Variants in SH2D4A observed in about 807,000 individuals in gnomAD.
SH2D4A encodes SH2 domain containing 4A.
Under a neutral mutation model 64.7 loss-of-function variants are expected in SH2D4A, and 70 were observed. That is an observed-to-expected ratio of 1.08 (90% CI 0.89 to 1.32). SH2D4A has a LOEUF of 1.32. Ranked by LOEUF, SH2D4A falls within the 40% of genes most tolerant of loss-of-function variation. The pLI is 0.00. For synonymous variants in SH2D4A, 268 were observed against 200.7 expected (o/e 1.34, Z -2.83); for missense variants, 706 against 540.1 (o/e 1.31, Z -3.04).
chr8:19,360,997 T>C, intron 5 of SH2D4A: 1 of 356,080 alleles, frequency 2.8e-6, no homozygotes, highest in Non-Finnish European at 5.1e-6. Context: ...GCTCCTGGAG[T>C]TACACACTAG....
intron 4 of SH2D4A, among the ~76,000 whole-genome samples, chr8:19,356,393 C>CA (rs1363176599): frequency 6.6e-6 from 1 of 152,154 alleles, no homozygotes; most frequent in Non-Finnish European, 1.5e-5. Context: ...ATTAAGAACT[C>CA]AGACACAAGG....
chr8:19,383,708 A>AAAAAAG, intron 8 of SH2D4A, among the ~76,000 whole-genome samples: 1 of 152,010 alleles, frequency 6.6e-6, no homozygotes, highest in Admixed American at 6.6e-5. Context: ...TACAGTCTTC[A>AAAAAAG]CAGCTTCTTT....
chr8:19,383,276 C>G (rs900426631), intron 8 of SH2D4A, among the ~76,000 whole-genome samples: 1 of 152,036 alleles, frequency 6.6e-6, no homozygotes, highest in South Asian at 2.1e-4. Context: ...TCAGTAACAT[C>G]CATTGTCCTA....
chr8:19,392,941 C>A (rs1472705695), intron 8 of SH2D4A, among the ~76,000 whole-genome samples: 1 of 152,046 alleles, frequency 6.6e-6, no homozygotes, highest in East Asian at 1.9e-4. Flanking sequence ...TGGGGTTTCA[C>A]CGTATTAGTC....
At chr8:19,337,080 G>C (rs901205111) in intron 4 of SH2D4A, among the ~76,000 whole-genome samples, 1 of 152,150 alleles carries the variant, frequency 6.6e-6, no homozygotes, top group African/African-American at 2.4e-5. Context: ...GGAAAGAGAT[G>C]GGGGCAGGGG....
At chr8:19,373,060 C>A (rs964460069) in intron 7 of SH2D4A, among the ~76,000 whole-genome samples, 1 of 152,044 alleles carries the variant, frequency 6.6e-6, no homozygotes, top group African/African-American at 2.4e-5. Flanking sequence ...TGCTTATTTT[C>A]TCAGATGTTA....
At chr8:19,369,151 G>T (rs932865071) in intron 7 of SH2D4A, among the ~76,000 whole-genome samples, 1 of 152,050 alleles carries the variant, frequency 6.6e-6, no homozygotes, top group East Asian at 1.9e-4. Flanking sequence ...CGTTTATGTT[G>T]AACCATCCTT....
intron 4 of SH2D4A, 91 bp from the exon 5 acceptor site, chr8:19,357,112 C>T (rs74705228): frequency 2.9e-6 from 3 of 1,026,480 alleles, no homozygotes; most frequent in Non-Finnish European, 4.5e-6. Context: ...GCGGGGGCAG[C>T]ATTAGGGAAA....
At chr8:19,339,654 C>T in intron 4 of SH2D4A, among the ~76,000 whole-genome samples, 1 of 151,976 alleles carries the variant, frequency 6.6e-6, no homozygotes, top group Non-Finnish European at 1.5e-5. Flanking sequence ...CACAGGCCAC[C>T]ACCCCCAGCC....
At chr8:19,334,894 T>C (rs770029385) in intron 4 of SH2D4A, 37 bp downstream of exon 4, 43 of 1,553,720 alleles carry the variant, frequency 2.8e-5, no homozygotes, top group Non-Finnish European at 3.6e-5. Flanking sequence ...CGGAATTTCA[T>C]CATGGGGGAG....
intron 8 of SH2D4A, among the ~76,000 whole-genome samples, chr8:19,379,748 CTT>C (rs1366251618): frequency 3.9e-5 from 6 of 152,008 alleles, no homozygotes; most frequent in African/African-American, 1.4e-4. Flanking sequence ...CCTTTTTTCT[CTT>C]TTAAGAGACA....
chr8:19,385,556 G>C (rs62493850), intron 8 of SH2D4A, among the ~76,000 whole-genome samples: 41,534 of 151,998 alleles, frequency 0.27, 6,218 homozygotes, highest in Middle Eastern at 0.37. Flanking sequence ...TGACTCTTCA[G>C]AGGGTCACTC....
rs145010423 is a variant in SH2D4A, at chr8:19,315,018, A to G, written c.-205+1195A>G. Among the ~76,000 whole-genome samples the G allele has an allele frequency of 6.8e-4, 104 of 152,190 alleles. 2 individuals carry two copies. The East Asian group carries it at 0.019, about 28-fold the overall frequency. On this transcript the variant is annotated intron_variant, in intron 1 of 9. Coordinates refer to ENST00000265807, the MANE Select transcript of SH2D4A (RefSeq NM_022071.4). ...ATAGTTACACTGTCCATACCACAATACTTTTATTTATTTTTTATTTTATTA... is the reference window on the plus strand; with the variant it reads ...ATAGTTACACTGTCCATACCACAATGCTTTTATTTATTTTTTATTTTATTA...
At chr8:19,376,009 A>G (rs2053189922) in intron 8 of SH2D4A, among the ~76,000 whole-genome samples, 1 of 152,022 alleles carries the variant, frequency 6.6e-6, no homozygotes, top group Non-Finnish European at 1.5e-5. Context: ...CCTCCCTTCC[A>G]TCCCTCAGAC....
chr8:19,350,921 C>T (rs76979292), intron 4 of SH2D4A, among the ~76,000 whole-genome samples: 3 of 152,240 alleles, frequency 2.0e-5, no homozygotes, highest in African/African-American at 7.2e-5. Context: ...AAGATTTTCT[C>T]GGGTTTCCAT....
chr8:19,353,685 T>TG (rs2052745405), intron 4 of SH2D4A, among the ~76,000 whole-genome samples: 2 of 137,580 alleles, frequency 1.5e-5, no homozygotes, highest in Non-Finnish European at 3.3e-5. Context: ...TTTTTTTTTT[T>TG]TTTTTTTTTT....
chr8:19,320,817 G>T (rs368805390), intron 2 of SH2D4A, among the ~76,000 whole-genome samples: 2 of 152,064 alleles, frequency 1.3e-5, no homozygotes, highest in Non-Finnish European at 2.9e-5. Context: ...ACTTGCAGAG[G>T]CATCTAAGAC....
chr8:19,357,096 G>C (rs1026001089), intron 4 of SH2D4A, 107 bp from the exon 5 acceptor site: 5 of 859,490 alleles, frequency 5.8e-6, no homozygotes, highest in Non-Finnish European at 7.6e-6. Context: ...GGATCCATCT[G>C]TAGGGGCGGG....
intron 8 of SH2D4A, among the ~76,000 whole-genome samples, chr8:19,381,050 T>C (rs559838457): frequency 1.3e-5 from 2 of 152,140 alleles, no homozygotes; most frequent in South Asian, 4.2e-4. Context: ...TTTGTAGTTT[T>C]TTTTTTTTTT....
Sources: allele counts gnomAD v4.1 joint callset (sites outside exome capture counted in the v4.1 genomes callset), GRCh38; gene constraint gnomAD v4.1.1; transcripts MANE v1.5; gene names NCBI Gene and HGNC (gene_info 2026-07-23, HGNC 2026-07-21).